SLC27A6: variants seen among roughly 807,000 people sequenced by gnomAD.
SLC27A6 encodes the protein long-chain fatty acid transport protein 6.
SLC27A6 carries 74 observed loss-of-function variants against 63.9 expected under a neutral mutation model. The ratio of observed to expected loss-of-function variants is 1.16; its 90% confidence interval spans 0.96 to 1.40. The LOEUF is 1.40. SLC27A6 is among the 40% of genes most tolerant of loss of function. SLC27A6 has a pLI of 0.00. For missense variants in SLC27A6, 794 were observed against 732.9 expected, an observed-to-expected ratio of 1.08 and a Z score of -0.96; for synonymous variants, 287 against 260.8, an observed-to-expected ratio of 1.10 and a Z score of -0.97.
intron 1 of SLC27A6, among the ~76,000 whole-genome samples, chr5:128,984,016 C>T (rs948708627): frequency 2.6e-5 from 4 of 152,160 alleles, no homozygotes; most frequent in Non-Finnish European, 5.9e-5. Context: ...ACCTATATAG[C>T]ACTCAGAAAT....
chr5:129,009,657 TAG>T (rs1751659758), intron 4 of SLC27A6, among the ~76,000 whole-genome samples: 2 of 139,370 alleles, frequency 1.4e-5, no homozygotes, highest in African/African-American at 5.4e-5. Flanking sequence ...CTCCCCATCA[TAG>T]CTAACATTTC....
intron 1 of SLC27A6, among the ~76,000 whole-genome samples, chr5:128,975,725 T>C (rs942289615): frequency 2.6e-5 from 4 of 152,194 alleles, no homozygotes; most frequent in African/African-American, 9.7e-5. Flanking sequence ...TTACCTGATA[T>C]CATGATGTGT....
chr5:128,970,106 G>A (rs1438907984), intron 1 of SLC27A6, among the ~76,000 whole-genome samples: 1 of 148,016 alleles, frequency 6.8e-6, no homozygotes, highest in African/African-American at 2.5e-5. Flanking sequence ...GCATCCCAGG[G>A]ATGAAGCCCA....
intron 1 of SLC27A6, among the ~76,000 whole-genome samples, chr5:128,975,834 A>T (rs1750357794): frequency 6.6e-6 from 1 of 152,168 alleles, no homozygotes; most frequent in African/African-American, 2.4e-5. Context: ...CCCTTTCAGT[A>T]AATACATGTT....
At position 128,966,405 on chromosome 5, in the gene SLC27A6, A is replaced by G. The variant is rs1749896887; in HGVS notation, c.268A>G (p.Ser90Gly). 2 of 1,611,064 alleles carry G rather than the reference A, an allele frequency of 1.2e-6. No individual in the cohort carries two copies. The highest frequency in any genetic ancestry group is 1.3e-5 in the African/African-American group (1 of 74,868). Reference protein sequence around the residue: ...YTYQDVDKRSSRVAHVFLNHS... With the variant: ...YTYQDVDKRSGRVAHVFLNHS... ...CTATCAGGATGTAGACAAAAGGAGC[A>G]GCAGAGTGGCCCATGTCTTCCTGAA... Residue 90 changes from serine to glycine, a missense_variant, in exon 1 of 10, where the codon AGC becomes GGC. Physicochemically the swap from Ser to Gly is moderately conservative, Grantham distance 56 (BLOSUM62 0). Transcript: ENST00000262462.
chr5:129,005,160 C>T (rs1381755502), intron 4 of SLC27A6, among the ~76,000 whole-genome samples: 1 of 151,994 alleles, frequency 6.6e-6, no homozygotes, highest in African/African-American at 2.4e-5. Flanking sequence ...TTTTTAAAGG[C>T]TCACCTGACC....
chr5:128,985,426 A>T, intron 2 of SLC27A6, 90 bp downstream of exon 2: 1 of 1,019,508 alleles, frequency 9.8e-7, no homozygotes, highest in Non-Finnish European at 1.5e-6. Flanking sequence ...TGTAGTGACC[A>T]ACCATCTGAG....
chr5:128,973,737 C>T (rs565426461), intron 1 of SLC27A6, among the ~76,000 whole-genome samples: 33 of 152,314 alleles, frequency 2.2e-4, no homozygotes, highest in South Asian at 1.0e-3. Context: ...CCAGGTGAGG[C>T]GATGCCCTGT....
chr5:128,969,857 T>C (rs1227958840), intron 1 of SLC27A6, among the ~76,000 whole-genome samples: 1 of 152,210 alleles, frequency 6.6e-6, no homozygotes, highest in Non-Finnish European at 1.5e-5. Context: ...TCAAAGGGAA[T>C]GCTTCCAGTC....
chr5:128,991,888 A>G (rs1750994271), intron 4 of SLC27A6, among the ~76,000 whole-genome samples: 1 of 151,758 alleles, frequency 6.6e-6, no homozygotes, highest in South Asian at 2.1e-4. Context: ...TTGCCCTCAG[A>G]AGTTATTTTC....
intron 9 of SLC27A6, among the ~76,000 whole-genome samples, chr5:129,030,279 G>A (rs920872899): frequency 6.6e-6 from 1 of 151,904 alleles, no homozygotes; most frequent in Non-Finnish European, 1.5e-5. Flanking sequence ...TAACTACTGG[G>A]TAACTTTACT....
At position 128,965,992 on chromosome 5, in the gene SLC27A6, C is replaced by T. The variant is rs112506621; in HGVS notation, c.-146C>T. 2.6e-4 allele frequency: 237 copies of T among 900,050 alleles called. No homozygotes were observed. In the African/African-American group the frequency reaches 3.5e-3, roughly 13 times the overall value. The allele number at this position is 900,050 out of a possible 1,614,324, so 55.8% of individuals were successfully genotyped here. A position where few individuals can be genotyped will look rare whatever the true frequency, so the allele number is the denominator to read the frequency against. On this transcript the variant is annotated 5_prime_UTR_variant, in exon 1 of 10. Coordinates refer to ENST00000262462, the MANE Select transcript of SLC27A6 (RefSeq NM_001017372.3). ...CTGTTTCTCAGGATTCCTCCCCATCCCGCTTCGCCCCGGAAAAGCTGACAA... is the reference window on the plus strand; with the variant it reads ...CTGTTTCTCAGGATTCCTCCCCATCTCGCTTCGCCCCGGAAAAGCTGACAA...
Position 129,005,741 on chromosome 5 carries a change from T to C in SLC27A6, c.970-10144T>C, listed in dbSNP as rs929657734. Among the ~76,000 whole-genome samples the C allele has an allele frequency of 4.0e-5, 6 of 150,076 alleles. No homozygotes were observed. In the Admixed American group the frequency reaches 4.0e-4, roughly 10 times the overall value. On this transcript the variant is annotated intron_variant, in intron 4 of 9. Transcript: ENST00000262462. ...CATTCTCCTGCCTCAGCCTCCCGAG[T>C]AGCTGGGACTACAGGCGCCTGCCAC...
chr5:129,014,984 T>C (rs942640945), intron 4 of SLC27A6, among the ~76,000 whole-genome samples: 2 of 152,216 alleles, frequency 1.3e-5, no homozygotes, highest in Admixed American at 1.3e-4. Flanking sequence ...TTAGAGAAAC[T>C]GAAATAAATA....
intron 4 of SLC27A6, among the ~76,000 whole-genome samples, chr5:129,006,730 A>G (rs1279128915): frequency 6.6e-6 from 1 of 152,136 alleles, no homozygotes; most frequent in African/African-American, 2.4e-5. Context: ...AAATTATGTC[A>G]TTTATGTTTA....
intron 4 of SLC27A6, among the ~76,000 whole-genome samples, chr5:129,004,122 C>T (rs1294039464): frequency 6.6e-6 from 1 of 152,136 alleles, no homozygotes; most frequent in African/African-American, 2.4e-5. Flanking sequence ...CAGGATTTAT[C>T]TTGAGGAATT....
chr5:129,012,894 GT>G (rs553005086), intron 4 of SLC27A6, among the ~76,000 whole-genome samples: 378 of 150,904 alleles, frequency 2.5e-3, no homozygotes, highest in African/African-American at 7.2e-3. Flanking sequence ...CATTCTAAAA[GT>G]TTTTTTTTCC....
chr5:128,975,311 A>G (rs1011520753), intron 1 of SLC27A6, among the ~76,000 whole-genome samples: 9 of 152,244 alleles, frequency 5.9e-5, no homozygotes, highest in African/African-American at 2.2e-4. Context: ...AGATCGTGCA[A>G]CTACACTCCG....
At position 128,966,169 on chromosome 5, in the gene SLC27A6, C is replaced by A; in HGVS notation, c.32C>A (p.Ala11Asp). Residue 11 changes from alanine to aspartate, a missense_variant, in exon 1 of 10, where the codon GCT becomes GAT. By Grantham distance (126) the Ala-to-Asp change is moderately radical (BLOSUM62 -2). Transcript: ENST00000262462. ...CTGTCATGGCTAACAGTTCTAGGGG[C>A]TGGAATGGTCGTCCTGCACTTCTTG... MLLSWLTVLG[A>D]GMVVLHFLQK... 2 of 1,574,104 alleles carry A rather than the reference C, an allele frequency of 1.3e-6. No homozygotes were observed. Among genetic ancestry groups the A allele is most frequent in the Non-Finnish European group, 1.7e-6 (2 of 1,162,202 alleles).
Sources: gnomAD v4.1 joint callset for allele counts (sites outside exome capture counted in the v4.1 genomes callset) on GRCh38, gnomAD v4.1.1 for gene constraint, MANE v1.5 for transcripts, NCBI Gene and HGNC (gene_info 2026-07-23, HGNC 2026-07-21) for gene names.